GPHN: variants seen among roughly 807,000 people sequenced by gnomAD.
GPHN encodes the protein gephyrin.
Under a neutral mutation model 95.5 loss-of-function variants are expected in GPHN, and 17 were observed. The observed-to-expected ratio is 0.18, with a 90% CI of 0.12 to 0.27. The LOEUF is 0.27. Ranked by LOEUF, GPHN falls within the 10% of genes least tolerant of loss-of-function variation. The pLI is 1.00. For synonymous variants in GPHN, 320 were observed against 322.5 expected (o/e 0.99, Z 0.08); for missense variants, 660 against 978.1 (o/e 0.67, Z 4.34).
At chr14:66,783,083 A>AAG (rs2059662547) in intron 3 of GPHN, among the ~76,000 whole-genome samples, 2 of 152,166 alleles carry the variant, frequency 1.3e-5, no homozygotes, top group African/African-American at 4.8e-5. Context: ...TGTCTAGCCA[A>AAG]CAGACAAGGA....
the GPHN span, chr14:67,338,847 T>A: frequency 1.6e-6 from 2 of 1,249,066 alleles, no homozygotes; most frequent in African/African-American, 3.0e-5. Context: ...GTAACAAGGA[T>A]AATAAACACA....
chr14:66,674,129 C>T (rs965470823), intron 1 of GPHN, among the ~76,000 whole-genome samples: 3 of 147,146 alleles, frequency 2.0e-5, no homozygotes, highest in African/African-American at 5.1e-5. Context: ...GATGGAATCT[C>T]GCTCTGTCCC....
intron 9 of GPHN, chr14:66,968,934 A>G (rs528472956): frequency 6.8e-6 from 1 of 147,922 alleles, no homozygotes; most frequent in African/African-American, 2.5e-5. Context: ...ATTGCAGTAT[A>G]ACATCCTAAA....
the GPHN span, among the ~76,000 whole-genome samples, chr14:67,626,661 T>C: frequency 6.6e-6 from 1 of 152,208 alleles, no homozygotes; most frequent in Non-Finnish European, 1.5e-5. Flanking sequence ...AATTTTGCCA[T>C]GTTGGCCAGG....
At chr14:67,365,695 A>G in the GPHN span, among the ~76,000 whole-genome samples, 236 of 152,236 alleles carry the variant, frequency 1.6e-3, 1 homozygote, top group African/African-American at 5.5e-3. Flanking sequence ...CCATCTTACT[A>G]TAATTTGTTA....
At chr14:67,376,682 C>A in the GPHN span, 1 of 1,366,134 alleles carries the variant, frequency 7.3e-7, no homozygotes, top group Non-Finnish European at 1.0e-6. Flanking sequence ...AAAATACTTG[C>A]CAAATTTAGA....
chr14:66,836,873 G>A (rs1054453042), intron 4 of GPHN, among the ~76,000 whole-genome samples: 8 of 151,742 alleles, frequency 5.3e-5, no homozygotes, highest in African/African-American at 1.9e-4. Flanking sequence ...TCAGAGAAAT[G>A]CAAATCAAAA....
the GPHN span, chr14:67,471,682 A>G: frequency 6.6e-6 from 1 of 152,278 alleles, no homozygotes; most frequent in Admixed American, 6.5e-5. Context: ...CTAACTGCAG[A>G]AAATCCTGCC....
intron 2 of GPHN, among the ~76,000 whole-genome samples, chr14:66,704,376 C>T (rs369168184): frequency 1.3e-5 from 2 of 151,798 alleles, no homozygotes; most frequent in South Asian, 2.1e-4. Flanking sequence ...ATCTCGGTGC[C>T]GCATAGCACT....
intron 3 of GPHN, among the ~76,000 whole-genome samples, chr14:66,785,945 AAGAGG>A (rs2059760861): frequency 6.6e-6 from 1 of 152,146 alleles, no homozygotes; most frequent in Admixed American, 6.5e-5. Flanking sequence ...ACATTAAGAG[AAGAGG>A]AAAGTTCTCA....
intron 17 of GPHN, among the ~76,000 whole-genome samples, chr14:67,134,953 CTTTTTTTTT>C (rs57933607): frequency 2.2e-5 from 1 of 45,240 alleles, no homozygotes; most frequent in Non-Finnish European, 4.2e-5. Context: ...TTTCTTTCTT[CTTTTTTTTT>C]TTTTTTTTTT....
chr14:66,577,071 A>C (rs781713470), intron 1 of GPHN, among the ~76,000 whole-genome samples: 30 of 152,270 alleles, frequency 2.0e-4, no homozygotes, highest in Non-Finnish European at 3.7e-4. Context: ...TTTTCATTTC[A>C]GTTTAATTGC....
chr14:67,431,000 T>G, the GPHN span, among the ~76,000 whole-genome samples: 4 of 152,088 alleles, frequency 2.6e-5, no homozygotes, highest in African/African-American at 9.7e-5. Context: ...CCCTATTCTC[T>G]CTAGATTTCA....
the GPHN span, among the ~76,000 whole-genome samples, chr14:67,415,226 C>T: frequency 1.4e-3 from 220 of 152,244 alleles, 1 homozygote; most frequent in African/African-American, 5.0e-3. Context: ...TATGCACATA[C>T]TTTTAAATTA....
chr14:67,375,206 AT>A, the GPHN span, among the ~76,000 whole-genome samples: 1 of 150,048 alleles, frequency 6.7e-6, no homozygotes, highest in African/African-American at 2.5e-5. Context: ...TGTTTAAGTT[AT>A]CCTTCATCCT....
intron 18 of GPHN, among the ~76,000 whole-genome samples, chr14:67,149,384 G>A (rs1053921656): frequency 6.6e-6 from 1 of 151,996 alleles, no homozygotes; most frequent in Non-Finnish European, 1.5e-5. Flanking sequence ...AACATGAAAT[G>A]GCTTTATTGT....
chr14:66,888,205 C>T (rs144626922), intron 5 of GPHN, among the ~76,000 whole-genome samples: 3 of 152,010 alleles, frequency 2.0e-5, no homozygotes, highest in Non-Finnish European at 4.4e-5. Flanking sequence ...AAACAATGAC[C>T]GAGAATTTCC....
At chr14:67,641,825 A>G in the GPHN span, among the ~76,000 whole-genome samples, 3 of 152,190 alleles carry the variant, frequency 2.0e-5, no homozygotes, top group Admixed American at 1.3e-4. Context: ...TTTTTTTGCT[A>G]AATTAATAGT....
the GPHN span, chr14:67,659,886 G>A: frequency 6.2e-7 from 1 of 1,614,118 alleles, no homozygotes; most frequent in Non-Finnish European, 8.5e-7. Flanking sequence ...CGGAAAGACA[G>A]GGGTGCATAA....
Sources: gnomAD v4.1 joint callset for allele counts (sites outside exome capture counted in the v4.1 genomes callset) on GRCh38, gnomAD v4.1.1 for gene constraint, MANE v1.5 for transcripts, NCBI Gene and HGNC (gene_info 2026-07-23, HGNC 2026-07-21) for gene names.